Variants in PSD3 observed in about 807,000 individuals in gnomAD.
PSD3 encodes pleckstrin and Sec7 domain containing 3, also known as PH and SEC7 domain-containing protein 3.
In PSD3, 49 loss-of-function variants were observed where a neutral mutation model predicts 105.5. The observed-to-expected ratio is 0.46, with a 90% confidence interval of 0.37 to 0.59. The LOEUF (loss-of-function observed/expected upper bound fraction) is 0.59, where lower values mean the gene tolerates loss of function less well. Ranked by LOEUF, PSD3 falls within the 20% of genes least tolerant of loss-of-function variation. PSD3 has a pLI of 0.00. For synonymous variants in PSD3, 557 were observed against 457.8 expected (o/e 1.22, Z -2.77); for missense variants, 1,561 against 1,263.8 (o/e 1.24, Z -3.57).
At chr8:18,788,981 A>C (rs1220281768) in intron 8 of PSD3, among the ~76,000 whole-genome samples, 1 of 152,216 alleles carries the variant, frequency 6.6e-6, no homozygotes, top group Non-Finnish European at 1.5e-5. Context: ...GTGGATATTC[A>C]ATGTGCTCTC....
At chr8:18,782,602 G>C (rs536888719) in intron 8 of PSD3, among the ~76,000 whole-genome samples, 3 of 152,308 alleles carry the variant, frequency 2.0e-5, no homozygotes, top group Non-Finnish European at 4.4e-5. Flanking sequence ...CAACACACGT[G>C]GATATTGGTA....
chr8:18,733,662 G>C (rs1234428731), intron 9 of PSD3: 1 of 152,724 alleles, frequency 6.5e-6, no homozygotes, highest in Non-Finnish European at 1.5e-5. Context: ...AATGTGCCAT[G>C]TCACAATGGC....
At chr8:19,061,754 A>G (rs564828137) in intron 1 of PSD3, among the ~76,000 whole-genome samples, 1 of 151,966 alleles carries the variant, frequency 6.6e-6, no homozygotes, top group Non-Finnish European at 1.5e-5. Flanking sequence ...GCAATGAGCC[A>G]AGATTGTGCC....
chr8:18,845,710 G>A (rs1241294140), intron 4 of PSD3, among the ~76,000 whole-genome samples: 1 of 152,290 alleles, frequency 6.6e-6, no homozygotes, highest in East Asian at 1.9e-4. Context: ...GGCAAAGCAG[G>A]AGGATCATTT....
chr8:18,813,607 T>C (rs1212252699), intron 4 of PSD3, among the ~76,000 whole-genome samples: 4 of 152,206 alleles, frequency 2.6e-5, no homozygotes, highest in Admixed American at 6.5e-5. Context: ...CCTGTGAGTG[T>C]TCAGTTTGCC....
intron 8 of PSD3, among the ~76,000 whole-genome samples, chr8:18,778,210 GT>G (rs899548742): frequency 2.0e-5 from 3 of 152,056 alleles, no homozygotes; most frequent in African/African-American, 7.2e-5. Flanking sequence ...TTATTCCCAG[GT>G]TTTTTCTTTT....
intron 8 of PSD3, among the ~76,000 whole-genome samples, chr8:18,795,961 A>G (rs1198655078): frequency 6.6e-6 from 1 of 152,238 alleles, no homozygotes; most frequent in Admixed American, 6.5e-5. Flanking sequence ...CTGTATGTGT[A>G]GAAGTTTAAT....
intron 12 of PSD3, among the ~76,000 whole-genome samples, chr8:18,594,509 G>C (rs376415046): frequency 7.0e-6 from 1 of 142,746 alleles, no homozygotes; most frequent in East Asian, 2.0e-4. Flanking sequence ...GTAAACGAAA[G>C]TTGAGAGAGT....
In PSD3 at chr8:18,531,705, A is replaced by T. The variant is rs904617829; in HGVS notation, c.*4038T>A. The T allele has an allele frequency of 1.3e-5, 2 of 152,276 alleles. No individual in the cohort carries two copies. Among genetic ancestry groups the T allele is most frequent in the South Asian group, 4.1e-4 (2 of 4,838 alleles). The allele number at this position is 152,276 out of a possible 1,614,324, so 9.4% of individuals were successfully genotyped here. ...AATAACTTAGATGCTTTGAGACAAA[A>T]GCAGATACTATTTAAACTCCAACTT... On this transcript the variant is annotated 3_prime_UTR_variant, in exon 16 of 16. Transcript: ENST00000327040.
chr8:18,573,295 C>A (rs1317396775), intron 13 of PSD3, among the ~76,000 whole-genome samples: 3 of 152,142 alleles, frequency 2.0e-5, no homozygotes, highest in African/African-American at 4.8e-5. Flanking sequence ...CATGGTGAAA[C>A]CCCATCTGTA....
Position 18,804,742 on chromosome 8 carries a change from T to A in PSD3, c.1791A>T (p.Arg597Ser), listed in dbSNP as rs750363056. Reference protein sequence around the residue: ...RLAKRLYQLDRFKRSDVAKHL... With the variant: ...RLAKRLYQLDSFKRSDVAKHL... Reference sequence around the variant, plus strand: ...GTTTTGCAACATCTGATCTTTTGAATCTGTCCAGCTGATAAAGGCGTTTGG... The same window carrying A: ...GTTTTGCAACATCTGATCTTTTGAAACTGTCCAGCTGATAAAGGCGTTTGG... Residue 597 changes from arginine (R) to serine (S), a missense_variant, in exon 5 of 16, where the codon AGA becomes AGT. Transcript: ENST00000327040. 6.2e-7 allele frequency: 1 copy of A among 1,614,096 alleles called. No homozygotes were observed. The highest frequency in any genetic ancestry group is 8.5e-7 in the Non-Finnish European group (1 of 1,179,984).
intron 4 of PSD3, among the ~76,000 whole-genome samples, chr8:18,858,520 G>A (rs1233674219): frequency 6.6e-6 from 1 of 152,070 alleles, no homozygotes; most frequent in African/African-American, 2.4e-5. Flanking sequence ...TCTGTAGCCT[G>A]TGAGGCTGCT....
chr8:19,000,324 G>C (rs1222487732), intron 1 of PSD3, among the ~76,000 whole-genome samples: 2 of 150,530 alleles, frequency 1.3e-5, no homozygotes, highest in African/African-American at 4.9e-5. Flanking sequence ...TTGAGCCCAG[G>C]AGTTCGAGGC....
chr8:18,782,252 T>C (rs576346284), intron 8 of PSD3, among the ~76,000 whole-genome samples: 2 of 152,322 alleles, frequency 1.3e-5, no homozygotes, highest in South Asian at 2.1e-4. Context: ...ATGTTTCTTG[T>C]GTCCTTACAT....
intron 4 of PSD3, among the ~76,000 whole-genome samples, chr8:18,811,559 A>T (rs1230179486): frequency 1.3e-5 from 2 of 152,172 alleles, no homozygotes; most frequent in Admixed American, 6.5e-5. Context: ...GAGGAACCCT[A>T]ATTTGGGGAT....
intron 11 of PSD3, among the ~76,000 whole-genome samples, chr8:18,623,457 A>C (rs1239853226): frequency 1.3e-5 from 2 of 149,416 alleles, no homozygotes; most frequent in South Asian, 2.1e-4. Context: ...CCAAAAAAAA[A>C]AAAAAAAAAA....
At chr8:18,722,743 G>T (rs866314654) in intron 9 of PSD3, among the ~76,000 whole-genome samples, 17 of 152,288 alleles carry the variant, frequency 1.1e-4, no homozygotes, top group Middle Eastern at 3.4e-3. Flanking sequence ...GATGCCCTGA[G>T]GCTGCCTCTG....
chr8:18,984,954 GAC>G (rs944303228), intron 1 of PSD3, among the ~76,000 whole-genome samples: 2 of 152,104 alleles, frequency 1.3e-5, no homozygotes, highest in Non-Finnish European at 2.9e-5. Flanking sequence ...GCGGTGGGGG[GAC>G]AGAGTCTCAC....
chr8:18,819,340 A>T (rs1164612911), intron 4 of PSD3, among the ~76,000 whole-genome samples: 3 of 152,114 alleles, frequency 2.0e-5, no homozygotes, highest in Non-Finnish European at 4.4e-5. Context: ...CACCAAAAAG[A>T]ATCCTTCAGA....
Sources: gnomAD v4.1 joint callset for allele counts (sites outside exome capture counted in the v4.1 genomes callset) on GRCh38, gnomAD v4.1.1 for gene constraint, MANE v1.5 for transcripts, NCBI Gene and HGNC (gene_info 2026-07-23, HGNC 2026-07-21) for gene names.